Variants in AK7 observed in about 807,000 individuals in gnomAD.
AK7 encodes adenylate kinase 7.
AK7 carries 78 observed loss-of-function variants against 96.6 expected under a neutral mutation model. The observed-to-expected ratio is 0.81, with a 90% CI of 0.67 to 0.97. AK7 has a LOEUF of 0.97. AK7 is among the 50% of genes least tolerant of loss of function. AK7 has a pLI of 0.00. For missense variants in AK7, 855 were observed against 887.9 expected (o/e 0.96, Z 0.47); for synonymous variants, 302 against 317.2 (o/e 0.95, Z 0.51).
At chr14:96,484,124 T>TAAGGTGGGAGGATTGCTTAAGCCTGGA (rs1464920350) in intron 16 of AK7, among the ~76,000 whole-genome samples, 6 of 152,066 alleles carry the variant, frequency 3.9e-5, no homozygotes, top group Non-Finnish European at 8.8e-5. Context: ...CTAGGGAGGC[T>TAAGGTGGGAGGATTGCTTAAGCCTGGA]AAGGTGGGAG....
intron 14 of AK7, among the ~76,000 whole-genome samples, chr14:96,475,339 T>C (rs1423843931): frequency 6.6e-6 from 1 of 152,122 alleles, no homozygotes; most frequent in Non-Finnish European, 1.5e-5. Flanking sequence ...TGGGGGCACA[T>C]GGGGAATGCC....
chr14:96,488,638 T>A lies in AK7; in HGVS notation c.*295T>A. On this transcript the variant is annotated 3_prime_UTR_variant, in exon 18 of 18. Coordinates refer to ENST00000267584, the MANE Select transcript of AK7 (RefSeq NM_152327.5). ...TACCGCTTCTGTACACTAATGTTTATAGGTATTTATAGCATGAAGAAAATC... is the reference window on the plus strand; with the variant it reads ...TACCGCTTCTGTACACTAATGTTTAAAGGTATTTATAGCATGAAGAAAATC... 4.1e-6 allele frequency: 1 copy of A among 242,530 alleles called. No homozygotes were observed. Among genetic ancestry groups the A allele is most frequent in the Admixed American group, 5.0e-5 (1 of 19,814 alleles). The allele number at this position is 242,530 out of a possible 1,614,324, so 15.0% of individuals were successfully genotyped here.
At chr14:96,475,579 T>C (rs1895128446) in intron 14 of AK7, among the ~76,000 whole-genome samples, 2 of 152,240 alleles carry the variant, frequency 1.3e-5, no homozygotes, top group Non-Finnish European at 2.9e-5. Flanking sequence ...GTGGCTTGCA[T>C]AGGAGGGGCA....
In AK7 at chr14:96,433,665, T is replaced by C. The variant is rs539382411; in HGVS notation, c.610-4170T>C. ...TTGTTATTACCGACCTTCTGAAGCCTACTTCTGTCAACTCGTCAAAGTCAT... is the reference window on the plus strand; with the variant it reads ...TTGTTATTACCGACCTTCTGAAGCCCACTTCTGTCAACTCGTCAAAGTCAT... On this transcript the variant is annotated intron_variant, in intron 5 of 17. Transcript: ENST00000267584. Among the ~76,000 whole-genome samples the C allele has an allele frequency of 2.0e-5, 3 of 152,358 alleles. No individual in the cohort carries two copies. The East Asian group carries it at 5.8e-4, about 29-fold the overall frequency.
chr14:96,421,979 G>A (rs1891728849), intron 5 of AK7, among the ~76,000 whole-genome samples: 3 of 152,188 alleles, frequency 2.0e-5, no homozygotes, highest in Non-Finnish European at 4.4e-5. Flanking sequence ...TTCCCAGGCG[G>A]ATTGGCAGGT....
chr14:96,487,882 T>C, intron 17 of AK7: 1 of 249,070 alleles, frequency 4.0e-6, no homozygotes, highest in Non-Finnish European at 7.8e-6. Flanking sequence ...CATTTGAAAG[T>C]AAAAAATGTA....
intron 10 of AK7, among the ~76,000 whole-genome samples, chr14:96,453,693 A>C (rs1261047809): frequency 6.6e-6 from 1 of 152,122 alleles, no homozygotes; most frequent in Non-Finnish European, 1.5e-5. Flanking sequence ...GAAGGGAGTA[A>C]ATATACCAAA....
intron 12 of AK7, among the ~76,000 whole-genome samples, chr14:96,471,006 C>T (rs991797719): frequency 1.3e-5 from 2 of 152,134 alleles, no homozygotes; most frequent in African/African-American, 4.8e-5. Context: ...TCCTACATTA[C>T]TGTGCATTAG....
At chr14:96,455,229 T>C (rs1431011421) in intron 10 of AK7, among the ~76,000 whole-genome samples, 3 of 151,920 alleles carry the variant, frequency 2.0e-5, no homozygotes, top group Non-Finnish European at 4.4e-5. Context: ...TCACACCTGT[T>C]ATCCCAACGC....
At chr14:96,418,941 C>G (rs1377396583) in intron 4 of AK7, among the ~76,000 whole-genome samples, 1 of 152,250 alleles carries the variant, frequency 6.6e-6, no homozygotes, top group Non-Finnish European at 1.5e-5. Context: ...AGGTTCCATA[C>G]TGAACACCAT....
In AK7 at chr14:96,478,573, G is replaced by C. The variant is rs768929397; in HGVS notation, c.1664G>C (p.Arg555Pro). 1.2e-6 allele frequency: 2 copies of C among 1,614,136 alleles called. No homozygotes were observed. The highest frequency in any genetic ancestry group is 1.7e-5 in the Admixed American group (1 of 60,024). The change falls in exon 15 of 18, where the codon CGG (arginine) becomes CCG (proline). Residue 555 changes from arginine (R) to proline (P), a missense_variant. Coordinates refer to ENST00000267584, the MANE Select transcript of AK7 (RefSeq NM_152327.5). ...GTHYSQDRFL[R>P]ALSNYRDINI... is the part of the protein sequence containing the mutation. ...CACTACAGCCAAGACCGATTCCTCCGGGCTCTGAGCAACTACCGGGACATC... is the reference window on the plus strand; with the variant it reads ...CACTACAGCCAAGACCGATTCCTCCCGGCTCTGAGCAACTACCGGGACATC...
At chr14:96,465,241 C>G (rs978103907) in intron 12 of AK7, among the ~76,000 whole-genome samples, 1 of 152,094 alleles carries the variant, frequency 6.6e-6, no homozygotes, top group Non-Finnish European at 1.5e-5. Flanking sequence ...GCGGGCGGAT[C>G]ACGAGGTCAG....
At chr14:96,438,647 G>A (rs1477388329) in intron 6 of AK7, among the ~76,000 whole-genome samples, 1 of 152,188 alleles carries the variant, frequency 6.6e-6, no homozygotes, top group East Asian at 1.9e-4. Flanking sequence ...CAGCCTGGTA[G>A]CCCCTCGTGA....
At chr14:96,473,617 T>C (rs1895024206) in intron 14 of AK7, among the ~76,000 whole-genome samples, 1 of 152,006 alleles carries the variant, frequency 6.6e-6, no homozygotes, top group South Asian at 2.1e-4. Flanking sequence ...AAAGACATTC[T>C]CAAGCATAAA....
intron 5 of AK7, among the ~76,000 whole-genome samples, chr14:96,425,544 A>G (rs1452601863): frequency 3.0e-5 from 4 of 132,242 alleles, no homozygotes. Context: ...GTGCAGTGGC[A>G]TGATCTCGGG....
rs572033391 is a variant in AK7, at chr14:96,416,617, C to T, written c.499-4205C>T. On this transcript the variant is annotated intron_variant, in intron 4 of 17. Coordinates refer to ENST00000267584, the MANE Select transcript of AK7 (RefSeq NM_152327.5). ...ATATAATATAACAATGAAAGGATCACGGCTGTAACCCCTGCTAAAGGAAAG... is the reference window on the plus strand; with the variant it reads ...ATATAATATAACAATGAAAGGATCATGGCTGTAACCCCTGCTAAAGGAAAG... 1.1e-4 allele frequency among the ~76,000 whole-genome samples: 16 copies of T among 152,238 alleles called. No individual in the cohort carries two copies. The East Asian group carries it at 2.1e-3, about 20-fold the overall frequency.
chr14:96,447,656 G>T (rs1284732143), intron 8 of AK7, among the ~76,000 whole-genome samples: 4 of 151,902 alleles, frequency 2.6e-5, no homozygotes, highest in Admixed American at 1.3e-4. Flanking sequence ...ACAGGGTCTT[G>T]CTCTGTCACC....
intron 4 of AK7, among the ~76,000 whole-genome samples, chr14:96,411,618 TAG>T (rs1891032988): frequency 6.6e-6 from 1 of 152,112 alleles, no homozygotes; most frequent in Non-Finnish European, 1.5e-5. Context: ...CTAGCTGCAA[TAG>T]GATTAATGAA....
intron 15 of AK7, among the ~76,000 whole-genome samples, chr14:96,480,564 C>A (rs753252164): frequency 6.6e-6 from 1 of 152,088 alleles, no homozygotes; most frequent in Non-Finnish European, 1.5e-5. Context: ...TATGTAAAAG[C>A]TAAGGGTTCT....
Sources: allele counts gnomAD v4.1 joint callset (sites outside exome capture counted in the v4.1 genomes callset), GRCh38; gene constraint gnomAD v4.1.1; transcripts MANE v1.5; gene names NCBI Gene and HGNC (gene_info 2026-07-23, HGNC 2026-07-21).